Variants in ZSCAN16 observed in about 807,000 individuals in gnomAD.
ZSCAN16 encodes the protein zinc finger and SCAN domain containing 16, also known as zinc finger and SCAN domain-containing protein 16.
Under a neutral mutation model 19.4 loss-of-function variants are expected in ZSCAN16, and 15 were observed. That is an observed-to-expected ratio of 0.77 (90% CI 0.52 to 1.19). ZSCAN16 has a LOEUF of 1.19. ZSCAN16 is among the 50% of genes most tolerant of loss of function. The pLI, the probability that ZSCAN16 is intolerant of heterozygous loss-of-function variation, is 0.00. For missense variants in ZSCAN16, 327 were observed against 415.7 expected (o/e 0.79, Z 1.86); for synonymous variants, 138 against 146.5 (o/e 0.94, Z 0.42).
Position 28,125,807 on chromosome 6 carries a change from G to C in ZSCAN16, c.364G>C (p.Glu122Gln), listed in dbSNP as rs372528104. 57 of 1,608,904 alleles carry C rather than the reference G, an allele frequency of 3.5e-5. No individual in the cohort carries two copies. Among genetic ancestry groups the C allele is most frequent in the Admixed American group, 2.9e-4 (17 of 58,840 alleles). Reference sequence around the variant, plus strand: ...GACGGTACTGGAGGATCTGGAGAGAGAGCTTGATGAACCTGGAAAGCAGGT... The same window carrying C: ...GACGGTACTGGAGGATCTGGAGAGACAGCTTGATGAACCTGGAAAGCAGGT... ...AVTVLEDLER[E>Q]LDEPGKQVPG... The change falls in exon 2 of 4, where the codon GAG becomes CAG. Residue 122 changes from glutamate (E) to glutamine (Q), a missense_variant. Glu to Gln is a conservative substitution (Grantham distance 29). Transcript: ENST00000340487. The surrounding 1 kb of genome is among the most constrained non-coding windows in gnomAD (Gnocchi z 6.2).
Position 28,125,755 on chromosome 6 carries a change from C to T in ZSCAN16, c.312C>T (p.His104=). Residue 104 remains histidine (H), a synonymous_variant, in exon 2 of 4, where the codon CAC becomes CAT. Transcript: ENST00000340487. This position sits in a 1 kb window ranked among gnomAD's most constrained non-coding sequence, Gnocchi z 6.2. The stretch of plus-strand genomic sequence containing the variant: ...ACCTGCAAGCATGGGTGCGTGCACA[C>T]CATCCAGAGACTGGAGAGGAGGCAG... ...PKDLQAWVRA[H]HPETGEEAVT... 1 of 1,614,140 alleles carries T rather than the reference C, an allele frequency of 6.2e-7. No homozygotes were observed. Among genetic ancestry groups the T allele is most frequent in the Non-Finnish European group, 8.5e-7 (1 of 1,180,024 alleles).
chr6:28,127,873 G>C (rs1441891622), intron 3 of ZSCAN16, among the ~76,000 whole-genome samples: 1 of 152,036 alleles, frequency 6.6e-6, no homozygotes, highest in African/African-American at 2.4e-5. Flanking sequence ...ATGCCTCTCC[G>C]GGTAGTTCCT....
chr6:28,126,647 G>A, intron 2 of ZSCAN16, 136 bp from the exon 3 acceptor site: 1 of 569,098 alleles, frequency 1.8e-6, no homozygotes, highest in Non-Finnish European at 2.7e-6. Context: ...CCTTCTCCTA[G>A]CCATTATTGC....
intron 3 of ZSCAN16, among the ~76,000 whole-genome samples, chr6:28,127,916 T>A (rs1369373283): frequency 1.3e-5 from 2 of 152,210 alleles, no homozygotes; most frequent in African/African-American, 4.8e-5. Context: ...TCTTACTACT[T>A]AAGTTTTACC....
At position 28,125,197 on chromosome 6, in the gene ZSCAN16, A is replaced by C. The variant is rs956591350; in HGVS notation, c.-31-216A>C. Among the ~76,000 whole-genome samples the C allele has an allele frequency of 9.9e-5, 15 of 150,942 alleles. No homozygotes were observed. Among genetic ancestry groups the C allele is most frequent in the Admixed American group, 2.0e-4 (3 of 15,222 alleles). ...ACACAATAGAGCACAGATTCAAATC[A>C]TATCCCTGCGTCACTGTTTTTTGTT... On this transcript the variant is annotated intron_variant, in intron 1 of 3. Transcript: ENST00000340487. The surrounding 1 kb of genome is among the most constrained non-coding windows in gnomAD (Gnocchi z 6.2).
intron 3 of ZSCAN16, 91 bp from the exon 4 acceptor site, chr6:28,129,339 A>AT: frequency 6.9e-7 from 1 of 1,458,482 alleles, no homozygotes; most frequent in South Asian, 1.4e-5. Context: ...TTTATAACAC[A>AT]TTTATAACAT....
intron 3 of ZSCAN16, among the ~76,000 whole-genome samples, chr6:28,127,864 TG>T (rs1387621006): frequency 6.6e-6 from 1 of 152,216 alleles, no homozygotes; most frequent in Non-Finnish European, 1.5e-5. Context: ...TGTCTAATAA[TG>T]CCTCTCCGGG....
At position 28,129,544 on chromosome 6, in the gene ZSCAN16, C is replaced by G. The variant is rs1764997410; in HGVS notation, c.641C>G (p.Pro214Arg). 6.2e-7 allele frequency: 1 copy of G among 1,613,990 alleles called. No individual in the cohort carries two copies. The highest frequency in any genetic ancestry group is 8.5e-7 in the Non-Finnish European group (1 of 1,180,016). ...DRLNKDTPQH[P>R]KSKDIIENEG... is the part of the protein sequence containing the mutation. ...CTGAACAAAGATACTCCTCAGCATC[C>G]TAAGTCCAAAGATATTATTGAAAAT... The change falls in exon 4 of 4, where the codon CCT (proline) becomes CGT (arginine). Residue 214 changes from proline to arginine, a missense_variant. By Grantham distance (103) the Pro-to-Arg change is moderately radical. Coordinates refer to ENST00000340487, the MANE Select transcript of ZSCAN16 (RefSeq NM_025231.3).
chr6:28,128,191 G>T (rs954451798), intron 3 of ZSCAN16, among the ~76,000 whole-genome samples: 1 of 151,570 alleles, frequency 6.6e-6, no homozygotes, highest in Non-Finnish European at 1.5e-5. Context: ...TGTTTCCCAG[G>T]CTTGTCTCAA....
rs113711413 is a variant in ZSCAN16, at chr6:28,127,853, A to G, written c.526+932A>G. Among the ~76,000 whole-genome samples the G allele has an allele frequency of 6.2e-3, 948 of 152,240 alleles. 10 individuals are homozygous for G. The highest frequency in any genetic ancestry group is 0.021 in the African/African-American group (861 of 41,552). ...CACCACCCTTTCTCTAGAGGCTCCC[A>G]TGTCTAATAATGCCTCTCCGGGTAG... On this transcript the variant is annotated intron_variant, in intron 3 of 3. Coordinates refer to ENST00000340487, the MANE Select transcript of ZSCAN16 (RefSeq NM_025231.3).
intron 3 of ZSCAN16, among the ~76,000 whole-genome samples, chr6:28,128,581 T>C (rs1446332903): frequency 6.6e-6 from 1 of 151,730 alleles, no homozygotes; most frequent in Non-Finnish European, 1.5e-5. Flanking sequence ...AAAGAAACGG[T>C]GAAAAAAAAT....
chr6:28,128,838 C>T (rs1454681100), intron 3 of ZSCAN16, among the ~76,000 whole-genome samples: 1 of 152,184 alleles, frequency 6.6e-6, no homozygotes, highest in African/African-American at 2.4e-5. Flanking sequence ...ATTTCCTATT[C>T]CTTTTCATTC....
chr6:28,127,716 C>G (rs111455644), intron 3 of ZSCAN16, among the ~76,000 whole-genome samples: 3,311 of 152,246 alleles, frequency 0.022, 52 homozygotes, highest in African/African-American at 0.059. Flanking sequence ...GTTTTATCCC[C>G]CATCCCAGCT....
rs1479733212 is a variant in ZSCAN16 at position 28,129,430 on chromosome 6, GT to G, written c.528del (p.Asp177IlefsTer26). Reference sequence around the variant, plus strand: ...TTTGTGTACTGTTTGTTTGTTACAGGTGATAAAACTAGGACTAAGAATGAAG... The same window carrying G: ...TTTGTGTACTGTTTGTTTGTTACAGGGATAAAACTAGGACTAAGAATGAAG... The part of the protein sequence containing the change: ...EQEAGKPQRN[G>X]DKTRTKNEEL... On this transcript the variant is annotated frameshift_variant and splice_region_variant, in exon 4 of 4. Coordinates refer to ENST00000340487, the MANE Select transcript of ZSCAN16 (RefSeq NM_025231.3). LOFTEE classifies it low-confidence loss of function (END_TRUNC). 3 of 1,601,070 alleles carry G rather than the reference GT, an allele frequency of 1.9e-6. No homozygotes were observed. Among genetic ancestry groups the G allele is most frequent in the Admixed American group, 1.7e-5 (1 of 58,586 alleles).
In ZSCAN16 at chr6:28,129,939, A is replaced by T; in HGVS notation, c.1036A>T (p.Lys346Ter). The change falls in exon 4 of 4, where the codon AAA becomes TAA. Residue 346 changes from lysine to a stop codon, truncating the protein, a stop_gained. Coordinates refer to ENST00000340487, the MANE Select transcript of ZSCAN16 (RefSeq NM_025231.3). LOFTEE classifies it high-confidence loss of function. The part of the protein sequence containing the change: ...IRHQRIHTAN[K>*]LY Reference sequence around the variant, plus strand: ...ACATCAAAGAATTCATACCGCAAATAAACTCTACTAATATAGCAGTAATAT... The same window carrying T: ...ACATCAAAGAATTCATACCGCAAATTAACTCTACTAATATAGCAGTAATAT... 1 of 1,585,880 alleles carries T rather than the reference A, an allele frequency of 6.3e-7. No individual in the cohort carries two copies. The highest frequency in any genetic ancestry group is 8.6e-7 in the Non-Finnish European group (1 of 1,167,634).
intron 3 of ZSCAN16, among the ~76,000 whole-genome samples, chr6:28,128,066 C>T (rs1295737770): frequency 6.6e-6 from 1 of 152,204 alleles, no homozygotes; most frequent in Non-Finnish European, 1.5e-5. Context: ...AGTGCTTTAA[C>T]TCTAGGAGTG....
chr6:28,128,123 T>C (rs1449741752), intron 3 of ZSCAN16, among the ~76,000 whole-genome samples: 2 of 152,180 alleles, frequency 1.3e-5, no homozygotes, highest in Non-Finnish European at 2.9e-5. Flanking sequence ...AAGAACCTCC[T>C]ATCTGTTCTT....
At chr6:28,126,748 C>G in intron 2 of ZSCAN16, 35 bp from the exon 3 acceptor site, 1 of 1,393,982 alleles carries the variant, frequency 7.2e-7, no homozygotes, top group African/African-American at 1.5e-5. Flanking sequence ...CTTAAGTTTC[C>G]ATAAAATTCA....
intron 3 of ZSCAN16, 72 bp downstream of exon 3, chr6:28,126,993 T>A (rs534830428): frequency 9.3e-6 from 12 of 1,290,358 alleles, no homozygotes; most frequent in Middle Eastern, 2.2e-4. Flanking sequence ...TTTCTCACTT[T>A]CATCTTCTCC....
Sources: allele counts gnomAD v4.1 joint callset (sites outside exome capture counted in the v4.1 genomes callset), GRCh38; gene constraint gnomAD v4.1.1; non-coding constraint Gnocchi (gnomAD v3.1); transcripts MANE v1.5; gene names NCBI Gene and HGNC (gene_info 2026-07-23, HGNC 2026-07-21).